Variants in TBL3 observed in about 807,000 individuals in gnomAD.
The protein encoded by TBL3 is transducin beta-like protein 3.
TBL3 carries 71 observed loss-of-function variants against 102.7 expected under a neutral mutation model. The ratio of observed to expected loss-of-function variants is 0.69; its 90% CI spans 0.57 to 0.84. The LOEUF (loss-of-function observed/expected upper bound fraction) is 0.84, where lower values mean the gene tolerates loss of function less well. TBL3 is among the 40% of genes least tolerant of loss of function. The pLI is 0.00. For synonymous variants in TBL3, 578 were observed against 477.7 expected (o/e 1.21, Z -2.74); for missense variants, 1,188 against 1,098.5 (o/e 1.08, Z -1.15).
In TBL3 at chr16:1,980,033, G is replaced by A; in HGVS notation, c.*1348G>A. 1.2e-6 allele frequency: 2 copies of A among 1,606,706 alleles called. No individual in the cohort carries two copies. The highest frequency in any genetic ancestry group is 1.7e-6 in the Non-Finnish European group (2 of 1,177,922). ...CGCAGCAGCACGTCCAGGCTCTCCT[G>A]GGCCTGCGCCTGAAAAGGCCTATCC... On this transcript the variant is annotated 3_prime_UTR_variant, in exon 22 of 22. Coordinates refer to ENST00000568546, the MANE Select transcript of TBL3 (RefSeq NM_006453.3).
intron 19 of TBL3, 29 bp from the exon 20 acceptor site, chr16:1,978,120 C>T: frequency 1.2e-6 from 2 of 1,611,618 alleles, no homozygotes; most frequent in Non-Finnish European, 8.5e-7. Flanking sequence ...GCTCTGCTTT[C>T]CCCAGCTCAG....
Position 1,979,927 on chromosome 16 carries a change from A to C in TBL3, c.*1242A>C. ...GCCTGTGCGCAAGAAGCGGGCAGGG[A>C]CTCAAATCTCGAGGCTCCCTCGGGT... is the stretch of plus-strand genomic sequence containing the variant. On this transcript the variant is annotated 3_prime_UTR_variant, in exon 22 of 22. Coordinates refer to ENST00000568546, the MANE Select transcript of TBL3 (RefSeq NM_006453.3). 1 of 1,576,616 alleles carries C rather than the reference A, an allele frequency of 6.3e-7. No homozygotes were observed. Among genetic ancestry groups the C allele is most frequent in the Non-Finnish European group, 8.6e-7 (1 of 1,161,574 alleles).
chr16:1,978,013 C>G lies in TBL3; in HGVS notation c.2014C>G (p.Leu672Val). ...GAAGCGGTACCTGCGGGCGCTGGGC[C>G]TGGCCATCTCCCTGGATCGGCCCCA... ...HEKRYLRALG[L>V]AISLDRPHTV... The change falls in exon 19 of 22, where the codon CTG becomes GTG. Residue 672 changes from leucine (L) to valine (V), a missense_variant. Physicochemically the swap from Leu to Val is conservative, Grantham distance 32 (BLOSUM62 1). Coordinates refer to ENST00000568546, the MANE Select transcript of TBL3 (RefSeq NM_006453.3). 6.2e-7 allele frequency: 1 copy of G among 1,607,866 alleles called. No individual in the cohort carries two copies. Among genetic ancestry groups the G allele is most frequent in the Non-Finnish European group, 8.5e-7 (1 of 1,177,032 alleles).
rs762933734 is a variant in TBL3, at chr16:1,978,455, C to A, written c.2277C>A (p.Ala759=). 6.2e-7 allele frequency: 1 copy of A among 1,606,614 alleles called. No individual in the cohort carries two copies. The highest frequency in any genetic ancestry group is 8.5e-7 in the Non-Finnish European group (1 of 1,176,970). The change falls in exon 21 of 22, where the codon GCC becomes GCA. Residue 759 remains alanine, a synonymous_variant. Transcript: ENST00000568546. Reference sequence around the variant, plus strand: ...AAGGCGTGCGGGCAGCGCTTGAGGCCCTGCTGCCCTACACTGGTATGTGGG... The same window carrying A: ...AAGGCGTGCGGGCAGCGCTTGAGGCACTGCTGCCCTACACTGGTATGTGGG... ...AYEGVRAALE[A]LLPYTERHFQ... is the part of the protein sequence containing the mutation.
Position 1,979,852 on chromosome 16 carries a change from G to A in TBL3, c.*1167G>A. ...GCCCGGGGCCGCCTCCTCCAGGTAG[G>A]GCGCTGGAAACCAGGCGGTCTGCCG... On this transcript the variant is annotated 3_prime_UTR_variant, in exon 22 of 22. Coordinates refer to ENST00000568546, the MANE Select transcript of TBL3 (RefSeq NM_006453.3). The A allele has an allele frequency of 6.3e-7, 1 of 1,581,332 alleles. No individual in the cohort carries two copies. Among genetic ancestry groups the A allele is most frequent in the Non-Finnish European group, 8.6e-7 (1 of 1,164,968 alleles).
In TBL3 at chr16:1,974,697, A is replaced by G. The variant is rs755268179; in HGVS notation, c.379+18A>G. On this transcript the variant is annotated intron_variant, in intron 5 of 21. Coordinates refer to ENST00000568546, the MANE Select transcript of TBL3 (RefSeq NM_006453.3). ...AGCCACAGGTAGGGCCCTGCCGTGCAGGTGGGTCGTGGGCACAGATGCAGG... is the reference window on the plus strand; with the variant it reads ...AGCCACAGGTAGGGCCCTGCCGTGCGGGTGGGTCGTGGGCACAGATGCAGG... The G allele has an allele frequency of 6.0e-5, 97 of 1,611,050 alleles. No individual in the cohort carries two copies. The highest frequency in any genetic ancestry group is 8.1e-5 in the Non-Finnish European group (96 of 1,178,858).
chr16:1,976,028 T>G (rs2083398726), intron 11 of TBL3, 28 bp from the exon 12 acceptor site: 1 of 1,614,082 alleles, frequency 6.2e-7, no homozygotes, highest in African/African-American at 1.3e-5. Flanking sequence ...TCTTGCTGTG[T>G]GACCTATACC....
In TBL3 at chr16:1,980,228, G is replaced by T; in HGVS notation, c.*1543G>T. ...AGTGAGAGGTAGGCGGATGGGGAGGGTGAAACTGGGGGCGCCACCCCGGCA... is the reference window on the plus strand; with the variant it reads ...AGTGAGAGGTAGGCGGATGGGGAGGTTGAAACTGGGGGCGCCACCCCGGCA... On this transcript the variant is annotated 3_prime_UTR_variant, in exon 22 of 22. Coordinates refer to ENST00000568546, the MANE Select transcript of TBL3 (RefSeq NM_006453.3). 2 of 1,549,392 alleles carry T rather than the reference G, an allele frequency of 1.3e-6. No homozygotes were observed. The highest frequency in any genetic ancestry group is 1.2e-5 in the South Asian group (1 of 85,284).
chr16:1,975,847 C>T lies in TBL3; in HGVS notation c.1027C>T (p.Leu343Phe), dbSNP rs1462210186. Reference sequence around the variant, plus strand: ...TGAGGAGGTTTTGGATGTCCGGTTTCTTGGGCCCGAGGACTCCCACGTTGT... The same window carrying T: ...TGAGGAGGTTTTGGATGTCCGGTTTTTTGGGCCCGAGGACTCCCACGTTGT... ...YSEEVLDVRF[L>F]GPEDSHVVVA... is the part of the protein sequence containing the mutation. The change falls in exon 11 of 22, where the codon CTT (leucine) becomes TTT (phenylalanine). Residue 343 changes from leucine (L) to phenylalanine (F), a missense_variant. By Grantham distance (22) the Leu-to-Phe change is conservative. Transcript: ENST00000568546. 1 of 1,614,166 alleles carries T rather than the reference C, an allele frequency of 6.2e-7. No homozygotes were observed. The highest frequency in any genetic ancestry group is 8.5e-7 in the Non-Finnish European group (1 of 1,180,034).
At chr16:1,977,829 C>T (rs1369710820) in intron 18 of TBL3, 29 bp downstream of exon 18, 11 of 1,560,424 alleles carry the variant, frequency 7.0e-6, no homozygotes, top group Middle Eastern at 1.7e-4. Flanking sequence ...CGCCCCTCCC[C>T]GCATCAGCCC....
chr16:1,974,448 G>A, intron 4 of TBL3, 25 bp downstream of exon 4: 3 of 1,597,782 alleles, frequency 1.9e-6, no homozygotes, highest in Non-Finnish European at 2.6e-6. Flanking sequence ...GCCTGGAGGG[G>A]ACCCGCTCCA....
rs369841267 is a variant in TBL3 at position 1,975,842 on chromosome 16, G to A, written c.1022G>A (p.Arg341Gln). The change falls in exon 11 of 22, where the codon CGG becomes CAG. Residue 341 changes from arginine to glutamine, a missense_variant. Arg to Gln is a conservative substitution (Grantham distance 43). Transcript: ENST00000568546. ...AGYSEEVLDV[R>Q]FLGPEDSHVV... ...TACAGTGAGGAGGTTTTGGATGTCC[G>A]GTTTCTTGGGCCCGAGGACTCCCAC... 85 of 1,614,024 alleles carry A rather than the reference G, an allele frequency of 5.3e-5. 1 individual carries two copies. The highest frequency in any genetic ancestry group is 3.3e-4 in the Middle Eastern group (2 of 6,084).
At position 1,979,939 on chromosome 16, in the gene TBL3, A is replaced by G; in HGVS notation, c.*1254A>G. ...GAAGCGGGCAGGGACTCAAATCTCG[A>G]GGCTCCCTCGGGTCCAGGAGCAGAG... is the stretch of plus-strand genomic sequence containing the variant. On this transcript the variant is annotated 3_prime_UTR_variant, in exon 22 of 22. Transcript: ENST00000568546. 1 of 1,576,488 alleles carries G rather than the reference A, an allele frequency of 6.3e-7. No homozygotes were observed. Among genetic ancestry groups the G allele is most frequent in the Non-Finnish European group, 8.6e-7 (1 of 1,161,224 alleles).
At position 1,980,160 on chromosome 16, in the gene TBL3, T is replaced by A; in HGVS notation, c.*1475T>A. ...CAGCGCGAGAAAGAGGCTGCTCCTC[T>A]GGGGTGGGCAGGATCACCCGGCTGG... On this transcript the variant is annotated 3_prime_UTR_variant, in exon 22 of 22. Coordinates refer to ENST00000568546, the MANE Select transcript of TBL3 (RefSeq NM_006453.3). 6.2e-7 allele frequency: 1 copy of A among 1,603,588 alleles called. No homozygotes were observed. Among genetic ancestry groups the A allele is most frequent in the Admixed American group, 1.7e-5 (1 of 58,672 alleles).
chr16:1,978,202 C>G lies in TBL3; in HGVS notation c.2116C>G (p.Leu706Val). 6.2e-7 allele frequency: 1 copy of G among 1,612,826 alleles called. No individual in the cohort carries two copies. Among genetic ancestry groups the G allele is most frequent in the Non-Finnish European group, 8.5e-7 (1 of 1,179,930 alleles). Residue 706 changes from leucine (L) to valine (V), a missense_variant, in exon 20 of 22, where the codon CTG (leucine) becomes GTG (valine). Leu to Val is a conservative substitution (Grantham distance 32). Transcript: ENST00000568546. ...GAAGCTGGAAGCCACCATGCTCCGA[C>G]TGCGGCGCGACCAGAAAGGTTGGCG... ...CEKLEATMLR[L>V]RRDQKEALLR...
In TBL3 at chr16:1,979,195, TG is replaced by T; in HGVS notation, c.*516del. 6 of 1,412,304 alleles carry T rather than the reference TG, an allele frequency of 4.2e-6. No individual in the cohort carries two copies. Among genetic ancestry groups the T allele is most frequent in the South Asian group, 1.4e-5 (1 of 72,090 alleles). The allele number at this position is 1,412,304 out of a possible 1,614,324, so 87.5% of individuals were successfully genotyped here. A position where few individuals can be genotyped will look rare whatever the true frequency, so the allele number is the denominator to read the frequency against. On this transcript the variant is annotated 3_prime_UTR_variant, in exon 22 of 22. Coordinates refer to ENST00000568546, the MANE Select transcript of TBL3 (RefSeq NM_006453.3). Reference sequence around the variant, plus strand: ...CCCGGCGAAGGTCGGGTGGGCACGGTGGGGGGAGGGGCGGTGGCCTGGGAGG... The same window carrying T: ...CCCGGCGAAGGTCGGGTGGGCACGGTGGGGGAGGGGCGGTGGCCTGGGAGG...
In TBL3 at chr16:1,979,869, G is replaced by C; in HGVS notation, c.*1184G>C. On this transcript the variant is annotated 3_prime_UTR_variant, in exon 22 of 22. Coordinates refer to ENST00000568546, the MANE Select transcript of TBL3 (RefSeq NM_006453.3). ...CCAGGTAGGGCGCTGGAAACCAGGCGGTCTGCCGGTCTTCGTTCTCCACCA... is the reference window on the plus strand; with the variant it reads ...CCAGGTAGGGCGCTGGAAACCAGGCCGTCTGCCGGTCTTCGTTCTCCACCA... 6.3e-6 allele frequency: 10 copies of C among 1,581,328 alleles called. No homozygotes were observed. Among genetic ancestry groups the C allele is most frequent in the Non-Finnish European group, 8.6e-6 (10 of 1,165,020 alleles).
chr16:1,975,851 G>A lies in TBL3; in HGVS notation c.1031G>A (p.Gly344Glu). The A allele has an allele frequency of 1.9e-6, 3 of 1,614,142 alleles. No individual in the cohort carries two copies. The highest frequency in any genetic ancestry group is 1.1e-5 in the South Asian group (1 of 91,092). ...SEEVLDVRFL[G>E]PEDSHVVVAS... ...GAGGTTTTGGATGTCCGGTTTCTTG[G>A]GCCCGAGGACTCCCACGTTGTCGTG... The change falls in exon 11 of 22, where the codon GGG becomes GAG. Residue 344 changes from glycine to glutamate, a missense_variant. Coordinates refer to ENST00000568546, the MANE Select transcript of TBL3 (RefSeq NM_006453.3).
At chr16:1,974,008 G>T (rs1484646279) in intron 1 of TBL3, 48 bp from the exon 2 acceptor site, 1 of 1,505,480 alleles carries the variant, frequency 6.6e-7, no homozygotes. Flanking sequence ...GGGGCCCTGG[G>T]GACTGAGGGG....
Sources: allele counts gnomAD v4.1 joint callset, GRCh38; gene constraint gnomAD v4.1.1; transcripts MANE v1.5; gene names NCBI Gene and HGNC (gene_info 2026-07-23, HGNC 2026-07-21).